ANKRD11: variants seen among roughly 807,000 people sequenced by gnomAD.
ANKRD11 encodes ankyrin repeat domain-containing protein 11.
ANKRD11 carries 17 observed loss-of-function variants against 195.7 expected under a neutral mutation model. The observed-to-expected ratio is 0.09, with a 90% CI of 0.06 to 0.13. ANKRD11 has a LOEUF of 0.13. Among genes scored for constraint, ANKRD11 ranks in the 10% least tolerant of loss-of-function variants. The pLI is 1.00. For missense variants in ANKRD11, 3,735 were observed against 3,566.1 expected, an observed-to-expected ratio of 1.05 and a Z score of -1.21; for synonymous variants, 1,953 against 1,528.1, an observed-to-expected ratio of 1.28 and a Z score of -6.49.
chr16:89,437,949 T>C (rs1248345299), intron 1 of ANKRD11, among the ~76,000 whole-genome samples: 1 of 152,176 alleles, frequency 6.6e-6, no homozygotes, highest in Non-Finnish European at 1.5e-5. Flanking sequence ...AGTTTCCTCA[T>C]CTGTAGAAAG....
intron 2 of ANKRD11, among the ~76,000 whole-genome samples, chr16:89,375,200 T>C (rs2152090493): frequency 6.6e-6 from 1 of 152,174 alleles, no homozygotes; most frequent in South Asian, 2.1e-4. Flanking sequence ...TGAGCTCAAG[T>C]GTGTCGGTAT....
At chr16:89,472,596 T>G (rs982865557) in intron 1 of ANKRD11, among the ~76,000 whole-genome samples, 1 of 152,182 alleles carries the variant, frequency 6.6e-6, no homozygotes. Context: ...CATGTGTCAC[T>G]GCAACATCAA....
In ANKRD11 at chr16:89,282,662, C is replaced by G. The variant is rs144053389; in HGVS notation, c.3880G>C (p.Glu1294Gln). Reference sequence around the variant, plus strand: ...TCGCTGATTTTATCGTTGGAGTCTTCTCTGTACTCATGGAGAGCCTCTTCT... The same window carrying G: ...TCGCTGATTTTATCGTTGGAGTCTTGTCTGTACTCATGGAGAGCCTCTTCT... Reference protein sequence around the residue: ...LEEEALHEYREDSNDKISEVS... With the variant: ...LEEEALHEYRQDSNDKISEVS... The change falls in exon 9 of 13, where the codon GAA becomes CAA. Residue 1294 changes from glutamate (E) to glutamine (Q), a missense_variant. Physicochemically the swap from Glu to Gln is conservative, Grantham distance 29. Transcript: ENST00000301030. The G allele has an allele frequency of 3.3e-5, 54 of 1,614,030 alleles. No individual in the cohort carries two copies. The African/African-American group carries it at 7.1e-4, about 21-fold the overall frequency.
chr16:89,449,599 G>A (rs1300591190), intron 1 of ANKRD11, among the ~76,000 whole-genome samples: 1 of 152,042 alleles, frequency 6.6e-6, no homozygotes, highest in Non-Finnish European at 1.5e-5. Flanking sequence ...TTCGAGACCA[G>A]CCTGACCAAC....
chr16:89,384,670 A>T (rs1482947768), intron 2 of ANKRD11, among the ~76,000 whole-genome samples: 1 of 152,080 alleles, frequency 6.6e-6, no homozygotes, highest in Non-Finnish European at 1.5e-5. Flanking sequence ...AGCTGCGAAG[A>T]CACAAACTAC....
At position 89,334,318 on chromosome 16, in the gene ANKRD11, G is replaced by A. The variant is rs985070278; in HGVS notation, c.-59-17240C>T. Among the ~76,000 whole-genome samples, 5 of 151,824 alleles carry A rather than the reference G, an allele frequency of 3.3e-5. 1 individual carries two copies. The highest frequency in any genetic ancestry group is 1.2e-4 in the African/African-American group (5 of 41,284). On this transcript the variant is annotated intron_variant, in intron 2 of 12. Transcript: ENST00000301030. The stretch of plus-strand genomic sequence containing the variant: ...CCCCCAGTGAGTGTACTGCCAATAC[G>A]GCCAAGTTTCTGAAGTTGGTGACAT...
At chr16:89,366,245 T>A (rs756417709) in intron 2 of ANKRD11, among the ~76,000 whole-genome samples, 9 of 152,072 alleles carry the variant, frequency 5.9e-5, no homozygotes, top group Non-Finnish European at 1.3e-4. Flanking sequence ...TAGATGCTCA[T>A]GTGGATTCCA....
rs994624290 is a variant in ANKRD11 at position 89,418,268 on chromosome 16, T to C, written c.-60+16A>G. 16 of 453,782 alleles carry C rather than the reference T, an allele frequency of 3.5e-5. No homozygotes were observed. The highest frequency in any genetic ancestry group is 6.6e-5 in the Non-Finnish European group (15 of 226,622). 28.1% of individuals were successfully genotyped at this position (453,782 alleles called of 1,614,324 possible). A position where few individuals can be genotyped will look rare whatever the true frequency, so the allele number is the denominator to read the frequency against. On this transcript the variant is annotated intron_variant, in intron 2 of 12. Coordinates refer to ENST00000301030, the MANE Select transcript of ANKRD11 (RefSeq NM_013275.6). Reference sequence around the variant, plus strand: ...GACAAAAACATAAATTGATAGAGAATGCAGTGAGTATTTACCGATTCCATA... The same window carrying C: ...GACAAAAACATAAATTGATAGAGAACGCAGTGAGTATTTACCGATTCCATA...
chr16:89,355,836 G>A (rs1167723490), intron 2 of ANKRD11, among the ~76,000 whole-genome samples: 1 of 152,178 alleles, frequency 6.6e-6, no homozygotes, highest in Non-Finnish European at 1.5e-5. Flanking sequence ...GCTCTCCTGT[G>A]CGCAGCCCAA....
chr16:89,421,662 G>A (rs56167728), intron 1 of ANKRD11, among the ~76,000 whole-genome samples: 9 of 106,368 alleles, frequency 8.5e-5, no homozygotes, highest in Admixed American at 5.5e-4. Context: ...ACGAAGGGTC[G>A]GTGTGTGATG....
In ANKRD11 at chr16:89,280,084, G is replaced by A. The variant is rs781685166; in HGVS notation, c.6458C>T (p.Ala2153Val). ...AGCAAGACTTTCTTCCACGGGTTCCGCTTCACCATCTGCGGCATCTTTAGT... is the reference window on the plus strand; with the variant it reads ...AGCAAGACTTTCTTCCACGGGTTCCACTTCACCATCTGCGGCATCTTTAGT... ...LQTKDAADGE[A>V]EPVEESLAPP... Residue 2153 changes from alanine (A) to valine (V), a missense_variant, in exon 9 of 13, where the codon GCG becomes GTG. By Grantham distance (64) the Ala-to-Val change is moderately conservative. Transcript: ENST00000301030. 3.7e-6 allele frequency: 6 copies of A among 1,613,032 alleles called. No homozygotes were observed. The highest frequency in any genetic ancestry group is 2.7e-5 in the African/African-American group (2 of 74,932).
chr16:89,403,691 A>G (rs1272465369), intron 2 of ANKRD11: 1 of 152,208 alleles, frequency 6.6e-6, no homozygotes, highest in African/African-American at 2.4e-5. Context: ...GCTACTCAAG[A>G]GGCTGAGGCA....
intron 2 of ANKRD11, among the ~76,000 whole-genome samples, chr16:89,346,401 G>A (rs148346053): frequency 1.6e-3 from 237 of 152,246 alleles, no homozygotes; most frequent in African/African-American, 5.3e-3. Flanking sequence ...AGACCAAGCT[G>A]GAGCTAAACA....
At chr16:89,387,646 C>G (rs2040977126) in intron 2 of ANKRD11, among the ~76,000 whole-genome samples, 1 of 142,786 alleles carries the variant, frequency 7.0e-6, no homozygotes, top group Non-Finnish European at 1.5e-5. Flanking sequence ...GCACTCTAGC[C>G]TGGGCGACAG....
Position 89,279,820 on chromosome 16 carries a change from G to A in ANKRD11, c.6722C>T (p.Pro2241Leu), listed in dbSNP as rs1399244128. 6.5e-7 allele frequency: 1 copy of A among 1,544,166 alleles called. No homozygotes were observed. The highest frequency in any genetic ancestry group is 1.4e-5 in the African/African-American group (1 of 73,076). The stretch of plus-strand genomic sequence containing the variant: ...GCGCTGTTCTGGGGGAACGGGCGCG[G>A]GCTCCACGCTGGAGTCCGGATCCCC... ...ARGDPDSSVE[P>L]APVPPEQRPL... is the part of the protein sequence containing the mutation. Residue 2241 changes from proline to leucine, a missense_variant, in exon 9 of 13, where the codon CCC becomes CTC. Physicochemically the swap from Pro to Leu is moderately conservative, Grantham distance 98. Transcript: ENST00000301030. The surrounding 1 kb of genome is among the most constrained non-coding windows in gnomAD (Gnocchi z 5.6).
chr16:89,466,828 G>A (rs924530204), intron 1 of ANKRD11, among the ~76,000 whole-genome samples: 15 of 152,196 alleles, frequency 9.9e-5, no homozygotes, highest in Admixed American at 9.8e-4. Flanking sequence ...GGGCCCTCCC[G>A]CAACTCGGGC....
chr16:89,438,368 G>A (rs1456407901), intron 1 of ANKRD11, among the ~76,000 whole-genome samples: 1 of 151,476 alleles, frequency 6.6e-6, no homozygotes, highest in African/African-American at 2.4e-5. Context: ...TGCCCAGGCT[G>A]GAGTGCAGTG....
chr16:89,397,603 C>T (rs1269158660), intron 2 of ANKRD11, among the ~76,000 whole-genome samples: 1 of 152,250 alleles, frequency 6.6e-6, no homozygotes, highest in Non-Finnish European at 1.5e-5. Context: ...GCAAGGGGCC[C>T]ACCTGCCTCA....
intron 1 of ANKRD11, among the ~76,000 whole-genome samples, chr16:89,478,567 T>A (rs1255413667): frequency 1.3e-5 from 2 of 152,110 alleles, no homozygotes; most frequent in East Asian, 3.8e-4. Flanking sequence ...CAACTGAGCA[T>A]CATACAAATG....
Sources: gnomAD v4.1 joint callset for allele counts (sites outside exome capture counted in the v4.1 genomes callset) on GRCh38, gnomAD v4.1.1 for gene constraint, Gnocchi (gnomAD v3.1) non-coding constraint, MANE v1.5 for transcripts, NCBI Gene and HGNC (gene_info 2026-07-23, HGNC 2026-07-21) for gene names.